Variants in VPS45 observed in about 807,000 individuals in gnomAD.
VPS45 encodes the protein vacuolar protein sorting-associated protein 45.
In VPS45, 35 loss-of-function variants were observed where a neutral mutation model predicts 75.9. The ratio of observed to expected loss-of-function variants is 0.46; its 90% CI spans 0.35 to 0.61. The LOEUF is 0.61. Among genes scored for constraint, VPS45 ranks in the 20% least tolerant of loss-of-function variants. The probability of loss-of-function intolerance (pLI) is 0.00; values close to 1 mark genes in which losing one functional copy is unlikely to be tolerated. For missense variants in VPS45, 559 were observed against 685.9 expected, an observed-to-expected ratio of 0.81 and a Z score of 2.07; for synonymous variants, 220 against 238.2, an observed-to-expected ratio of 0.92 and a Z score of 0.70.
Position 150,082,758 on chromosome 1 carries a change from A to G in VPS45, c.979A>G (p.Thr327Ala). The part of the protein sequence containing the change: ...NYPQFKKMSG[T>A]VSKHVTVVGE... Reference sequence around the variant, plus strand: ...TCCACAGTTCAAGAAAATGTCTGGGACTGTTTCAAAGCATGTGACAGTGGT... The same window carrying G: ...TCCACAGTTCAAGAAAATGTCTGGGGCTGTTTCAAAGCATGTGACAGTGGT... The change falls in exon 10 of 15, where the codon ACT (threonine) becomes GCT (alanine). Residue 327 changes from threonine (T) to alanine (A), a missense_variant. Coordinates refer to ENST00000644510, the MANE Select transcript of VPS45 (RefSeq NM_007259.5). The G allele has an allele frequency of 6.2e-7, 1 of 1,614,104 alleles. No individual in the cohort carries two copies. Among genetic ancestry groups the G allele is most frequent in the Non-Finnish European group, 8.5e-7 (1 of 1,180,008 alleles).
At chr1:150,072,688 C>G (rs1553797316) in intron 3 of VPS45, among the ~76,000 whole-genome samples, 1 of 148,926 alleles carries the variant, frequency 6.7e-6, no homozygotes, top group Non-Finnish European at 1.5e-5. Flanking sequence ...GACCAATATT[C>G]TGTTTCAGAG....
chr1:150,097,133 G>T (rs1475778619), intron 13 of VPS45, among the ~76,000 whole-genome samples: 1 of 149,374 alleles, frequency 6.7e-6, no homozygotes, highest in African/African-American at 2.5e-5. Context: ...TGTCACCCAG[G>T]CTGGAGTGCA....
intron 5 of VPS45, 50 bp downstream of exon 5, chr1:150,077,034 A>T (rs782134209): frequency 3.7e-6 from 6 of 1,613,274 alleles, no homozygotes; most frequent in Non-Finnish European, 5.1e-6. Flanking sequence ...TTCAGCAAAT[A>T]ATTAGACTTG....
chr1:150,143,963 C>T (rs1345977207), intron 14 of VPS45, among the ~76,000 whole-genome samples: 1 of 152,062 alleles, frequency 6.6e-6, no homozygotes, highest in Non-Finnish European at 1.5e-5. Flanking sequence ...TGGCTTTAAA[C>T]GGTGCTCAGA....
chr1:150,117,404 C>T (rs1373478652), intron 14 of VPS45, among the ~76,000 whole-genome samples: 2 of 151,202 alleles, frequency 1.3e-5, no homozygotes, highest in Non-Finnish European at 2.9e-5. Context: ...CACCTATAGT[C>T]CCAGCTACTC....
chr1:150,076,508 G>T, intron 4 of VPS45, 196 bp downstream of exon 4: 1 of 483,786 alleles, frequency 2.1e-6, no homozygotes, highest in Non-Finnish European at 3.7e-6. Flanking sequence ...AGAAGGATGT[G>T]ATAGGTGATA....
intron 3 of VPS45, among the ~76,000 whole-genome samples, chr1:150,074,016 GT>G (rs587695099): frequency 2.7e-5 from 4 of 147,368 alleles, no homozygotes; most frequent in African/African-American, 2.5e-5. Flanking sequence ...TGTTGTTTTT[GT>G]TTTTTTTTTT....
intron 8 of VPS45, 112 bp from the exon 9 acceptor site, chr1:150,081,772 A>C (rs1337932218): frequency 1.4e-6 from 1 of 721,044 alleles, no homozygotes; most frequent in Non-Finnish European, 2.3e-6. Flanking sequence ...GGTAATTAAA[A>C]TAGAATTTCC....
chr1:150,143,125 T>C (rs1290219515), intron 14 of VPS45, among the ~76,000 whole-genome samples: 1 of 152,174 alleles, frequency 6.6e-6, no homozygotes, highest in Non-Finnish European at 1.5e-5. Context: ...GCAACAATTA[T>C]ACAGTGCTAA....
chr1:150,109,383 A>G (rs1398128232), intron 13 of VPS45: 2 of 152,280 alleles, frequency 1.3e-5, no homozygotes, highest in African/African-American at 4.8e-5. Context: ...ACATTTTAAA[A>G]TAGCCACAAT....
chr1:150,110,689 C>A, intron 14 of VPS45, 62 bp downstream of exon 14: 2 of 1,474,976 alleles, frequency 1.4e-6, no homozygotes, highest in South Asian at 1.4e-5. Context: ...GCTTAAATTC[C>A]CTTTATGTTG....
At chr1:150,135,435 G>A (rs753145796) in intron 14 of VPS45, among the ~76,000 whole-genome samples, 209 of 151,900 alleles carry the variant, frequency 1.4e-3, no homozygotes, top group Non-Finnish European at 2.2e-3. Flanking sequence ...GCTAATTTTT[G>A]TATTTGTTTT....
chr1:150,139,557 CT>C (rs11336306), intron 14 of VPS45, among the ~76,000 whole-genome samples: 16,016 of 151,720 alleles, frequency 0.11, 1,165 homozygotes, highest in Non-Finnish European at 0.16. Flanking sequence ...GATGAACTCT[CT>C]TTTTTTTGAG....
chr1:150,074,505 T>C (rs1248117218), intron 3 of VPS45, among the ~76,000 whole-genome samples: 3 of 152,208 alleles, frequency 2.0e-5, no homozygotes, highest in Non-Finnish European at 2.9e-5. Context: ...TTTTGGCTAT[T>C]ACAAATAAAG....
intron 13 of VPS45, among the ~76,000 whole-genome samples, chr1:150,103,728 A>G (rs1553805139): frequency 6.6e-6 from 1 of 152,196 alleles, no homozygotes. Flanking sequence ...TATATTGTCC[A>G]GGCAGGTGAT....
At position 150,081,483 on chromosome 1, in the gene VPS45, G is replaced by C. The variant is rs782697127; in HGVS notation, c.822+7G>C. 7 of 1,592,832 alleles carry C rather than the reference G, an allele frequency of 4.4e-6. No individual in the cohort carries two copies. The African/African-American group carries it at 9.6e-5, about 22-fold the overall frequency. On this transcript the variant is annotated splice_region_variant and intron_variant, in intron 8 of 14. Transcript: ENST00000644510. ...TGATGAATTCTATGCTAATGTAGGTGGTTTAAATTTTTTTAAATTGTCTTT... is the reference window on the plus strand; with the variant it reads ...TGATGAATTCTATGCTAATGTAGGTCGTTTAAATTTTTTTAAATTGTCTTT...
At position 150,092,112 on chromosome 1, in the gene VPS45, T is replaced by C; in HGVS notation, c.1263+17T>C. The C allele has an allele frequency of 6.2e-7, 1 of 1,606,500 alleles. No homozygotes were observed. Among genetic ancestry groups the C allele is most frequent in the Non-Finnish European group, 8.5e-7 (1 of 1,175,610 alleles). Reference sequence around the variant, plus strand: ...TATCGAAAGGTAACCAGTTTCCATATTAGCCCACCAAACAGGAACCAACTC... The same window carrying C: ...TATCGAAAGGTAACCAGTTTCCATACTAGCCCACCAAACAGGAACCAACTC... On this transcript the variant is annotated intron_variant, in intron 11 of 14. Coordinates refer to ENST00000644510, the MANE Select transcript of VPS45 (RefSeq NM_007259.5).
intron 6 of VPS45, 158 bp downstream of exon 6, chr1:150,077,389 C>G (rs887240779): frequency 2.1e-6 from 2 of 972,096 alleles, no homozygotes; most frequent in African/African-American, 3.3e-5. Context: ...AAACAAAAAG[C>G]AACAATTAGA....
chr1:150,092,196 T>A lies in VPS45; in HGVS notation c.1263+101T>A, dbSNP rs1351826179. ...ATCATACTATTTTTATTTACAGAAA[T>A]GTATAATTCTGTCTTTTCATTTTTG... On this transcript the variant is annotated intron_variant, in intron 11 of 14. Transcript: ENST00000644510. The A allele has an allele frequency of 2.0e-6, 3 of 1,514,604 alleles. No individual in the cohort carries two copies. The East Asian group carries it at 6.9e-5, about 35-fold the overall frequency. The allele number at this position is 1,514,604 out of a possible 1,614,324, so 93.8% of individuals were successfully genotyped here.
Sources: gnomAD v4.1 joint callset for allele counts (sites outside exome capture counted in the v4.1 genomes callset) on GRCh38, gnomAD v4.1.1 for gene constraint, MANE v1.5 for transcripts, NCBI Gene and HGNC (gene_info 2026-07-23, HGNC 2026-07-21) for gene names.